NT5DC1: variants seen among roughly 807,000 people sequenced by gnomAD.
NT5DC1 encodes 5'-nucleotidase domain-containing protein 1.
In NT5DC1, 42 loss-of-function variants were observed where a neutral mutation model predicts 59.4. The ratio of observed to expected loss-of-function variants is 0.71; its 90% CI spans 0.55 to 0.92. The LOEUF is 0.92. Ranked by LOEUF, NT5DC1 falls within the 40% of genes least tolerant of loss-of-function variation. The pLI is 0.00. For synonymous variants in NT5DC1, 172 were observed against 188.1 expected, an observed-to-expected ratio of 0.91 and a Z score of 0.70; for missense variants, 501 against 537.1, an observed-to-expected ratio of 0.93 and a Z score of 0.66.
chr6:116,115,885 A>G, intron 5 of NT5DC1, 115 bp downstream of exon 5: 1 of 494,198 alleles, frequency 2.0e-6, no homozygotes, highest in Admixed American at 3.4e-5. Context: ...TTGTGGTTTC[A>G]GAGCTGACTG....
chr6:116,170,424 A>AT (rs1780579748), intron 6 of NT5DC1, among the ~76,000 whole-genome samples: 1 of 151,952 alleles, frequency 6.6e-6, no homozygotes, highest in South Asian at 2.1e-4. Context: ...GCCACCATTT[A>AT]TTTTTTCCAA....
intron 6 of NT5DC1, among the ~76,000 whole-genome samples, chr6:116,189,467 C>A (rs1240101649): frequency 6.6e-6 from 1 of 151,860 alleles, no homozygotes; most frequent in Non-Finnish European, 1.5e-5. Flanking sequence ...CCTCTCATTT[C>A]TAACTATATT....
chr6:116,139,415 A>G (rs541065364), intron 6 of NT5DC1, among the ~76,000 whole-genome samples: 1 of 152,300 alleles, frequency 6.6e-6, no homozygotes, highest in Non-Finnish European at 1.5e-5. Flanking sequence ...GAACAATTGT[A>G]TTTGAAATCC....
At position 116,246,863 on chromosome 6, in the gene NT5DC1, T is replaced by A. The variant is rs1037244935; in HGVS notation, c.*2839T>A. On this transcript the variant is annotated 3_prime_UTR_variant, in exon 12 of 12. Coordinates refer to ENST00000319550, the MANE Select transcript of NT5DC1 (RefSeq NM_152729.3). ...TAGAATGAATTCAGAAAGGTGTCTC[T>A]TGTTGGTCTCTAGAACTATCCTCAG... 2 of 152,208 alleles carry A rather than the reference T, an allele frequency of 1.3e-5. No homozygotes were observed. Among genetic ancestry groups the A allele is most frequent in the African/African-American group, 4.8e-5 (2 of 41,448 alleles). The allele number at this position is 152,208 out of a possible 1,614,324, so 9.4% of individuals were successfully genotyped here. A position where few individuals can be genotyped will look rare whatever the true frequency, so the allele number is the denominator to read the frequency against.
intron 6 of NT5DC1, among the ~76,000 whole-genome samples, chr6:116,170,973 C>T (rs1780591412): frequency 6.6e-6 from 1 of 152,158 alleles, no homozygotes; most frequent in African/African-American, 2.4e-5. Flanking sequence ...CCCATTCCTC[C>T]TCTGTGGTCT....
chr6:116,153,164 A>G (rs554751165), intron 6 of NT5DC1, among the ~76,000 whole-genome samples: 3 of 152,134 alleles, frequency 2.0e-5, no homozygotes, highest in East Asian at 3.9e-4. Context: ...CTACAAATAT[A>G]CAACATAATT....
At chr6:116,227,962 T>A (rs1446814149) in intron 8 of NT5DC1, among the ~76,000 whole-genome samples, 5 of 152,246 alleles carry the variant, frequency 3.3e-5, no homozygotes, top group African/African-American at 4.8e-5. Context: ...TTTAGTATTA[T>A]GTAATCTCAT....
At position 116,239,054 on chromosome 6, in the gene NT5DC1, T is replaced by G; in HGVS notation, c.1183T>G (p.Tyr395Asp). 1 of 1,611,608 alleles carries G rather than the reference T, an allele frequency of 6.2e-7. No individual in the cohort carries two copies. Among genetic ancestry groups the G allele is most frequent in the Non-Finnish European group, 8.5e-7 (1 of 1,177,886 alleles). ...GGAAAATACAGAAGACTCCTTGGTT[T>G]ATACATGGTCTTGTAAGAGAATCAG... ...GLENTEDSLV[Y>D]TWSCKRISTY... The change falls in exon 11 of 12, where the codon TAT (tyrosine) becomes GAT (aspartate). Residue 395 changes from tyrosine (Y) to aspartate (D), a missense_variant. Transcript: ENST00000319550.
chr6:116,227,033 TA>T (rs1335844229), intron 8 of NT5DC1, among the ~76,000 whole-genome samples: 1 of 152,186 alleles, frequency 6.6e-6, no homozygotes, highest in Non-Finnish European at 1.5e-5. Context: ...TACAATATAT[TA>T]TTTTTAACTC....
chr6:116,212,688 G>A (rs1347828642), intron 6 of NT5DC1, among the ~76,000 whole-genome samples: 1 of 152,008 alleles, frequency 6.6e-6, no homozygotes, highest in Non-Finnish European at 1.5e-5. Context: ...AGATTTAATG[G>A]GTGGCAGGGA....
chr6:116,197,243 G>T (rs997880035), intron 6 of NT5DC1, among the ~76,000 whole-genome samples: 13 of 151,906 alleles, frequency 8.6e-5, no homozygotes, highest in African/African-American at 3.1e-4. Flanking sequence ...TAATGATGTC[G>T]ATGTCAGCTT....
intron 6 of NT5DC1, among the ~76,000 whole-genome samples, chr6:116,159,908 C>T (rs1418950921): frequency 5.3e-5 from 8 of 152,098 alleles, no homozygotes; most frequent in Non-Finnish European, 1.0e-4. Context: ...AGATCATGGC[C>T]TCCAGCTCTA....
intron 6 of NT5DC1, among the ~76,000 whole-genome samples, chr6:116,126,333 A>G (rs528757840): frequency 2.0e-5 from 3 of 152,188 alleles, no homozygotes; most frequent in East Asian, 1.9e-4. Flanking sequence ...TTAAATATAT[A>G]TTAATAGTTT....
chr6:116,156,843 AC>A (rs1268359957), intron 6 of NT5DC1, among the ~76,000 whole-genome samples: 1 of 152,010 alleles, frequency 6.6e-6, no homozygotes, highest in Non-Finnish European at 1.5e-5. Flanking sequence ...TCCCCAGGCC[AC>A]CCCACGGCCC....
At chr6:116,124,031 C>T (rs2114302600) in intron 6 of NT5DC1, among the ~76,000 whole-genome samples, 1 of 151,990 alleles carries the variant, frequency 6.6e-6, no homozygotes, top group Admixed American at 6.5e-5. Context: ...GTTGCTTTGT[C>T]TTTTATTTTT....
At chr6:116,235,457 C>G (rs1782097670) in intron 8 of NT5DC1, among the ~76,000 whole-genome samples, 1 of 152,092 alleles carries the variant, frequency 6.6e-6, no homozygotes, top group Non-Finnish European at 1.5e-5. Context: ...GAAATGGCAG[C>G]TAGATAGGCA....
chr6:116,246,413 A>T lies in NT5DC1; in HGVS notation c.*2389A>T, dbSNP rs913065177. On this transcript the variant is annotated 3_prime_UTR_variant, in exon 12 of 12. Transcript: ENST00000319550. The stretch of plus-strand genomic sequence containing the variant: ...AACTTCTGAGTTTGTTAAACTCTAA[A>T]CTGAAATCAAGTATTATTTCCCCAC... 3.3e-5 allele frequency: 5 copies of T among 151,918 alleles called. No individual in the cohort carries two copies. Among genetic ancestry groups the T allele is most frequent in the Middle Eastern group, 6.4e-3 (2 of 314 alleles). 9.4% of individuals were successfully genotyped at this position (151,918 alleles called of 1,614,324 possible).
chr6:116,207,591 C>G (rs754428639), intron 6 of NT5DC1, among the ~76,000 whole-genome samples: 9 of 151,154 alleles, frequency 6.0e-5, no homozygotes, highest in Non-Finnish European at 8.9e-5. Context: ...CTAAAAAATA[C>G]CCAAAATATA....
intron 6 of NT5DC1, among the ~76,000 whole-genome samples, chr6:116,195,731 T>A (rs569645270): frequency 1.3e-5 from 2 of 152,182 alleles, no homozygotes; most frequent in African/African-American, 4.8e-5. Context: ...TCATTAAGAT[T>A]GAAGTGTAGG....
Sources: gnomAD v4.1 joint callset for allele counts (sites outside exome capture counted in the v4.1 genomes callset) on GRCh38, gnomAD v4.1.1 for gene constraint, MANE v1.5 for transcripts, NCBI Gene and HGNC (gene_info 2026-07-23, HGNC 2026-07-21) for gene names.